NPAS3: variants seen among roughly 807,000 people sequenced by gnomAD.
NPAS3 encodes neuronal PAS domain-containing protein 3.
A neutral mutation model predicts 73.1 loss-of-function variants in NPAS3; 14 were observed. The ratio of observed to expected loss-of-function variants is 0.19; its 90% confidence interval spans 0.13 to 0.30. The LOEUF is 0.30. NPAS3 is among the 10% of genes least tolerant of loss of function. The probability of loss-of-function intolerance (pLI) is 1.00; values close to 1 mark genes in which losing one functional copy is unlikely to be tolerated. For missense variants in NPAS3, 1,096 were observed against 1,250.0 expected, an observed-to-expected ratio of 0.88 and a Z score of 1.86; for synonymous variants, 620 against 541.5, an observed-to-expected ratio of 1.14 and a Z score of -2.01.
At chr14:33,628,109 A>G (rs913453099) in intron 5 of NPAS3, among the ~76,000 whole-genome samples, 21 of 152,222 alleles carry the variant, frequency 1.4e-4, no homozygotes, top group Non-Finnish European at 1.9e-4. Context: ...AGCTAGTGGA[A>G]AAAATGGTTT....
chr14:33,080,247 A>G (rs940892048), intron 2 of NPAS3, among the ~76,000 whole-genome samples: 2 of 151,986 alleles, frequency 1.3e-5, no homozygotes, highest in African/African-American at 4.8e-5. Flanking sequence ...AGCTGGGACT[A>G]CAGGCGCCCG....
chr14:33,210,816 T>C (rs947067823), intron 2 of NPAS3, among the ~76,000 whole-genome samples: 4 of 152,194 alleles, frequency 2.6e-5, no homozygotes, highest in African/African-American at 9.7e-5. Flanking sequence ...TATAAATCTT[T>C]AAGCATCCAC....
chr14:33,093,791 A>C (rs2042311788), intron 2 of NPAS3, among the ~76,000 whole-genome samples: 2 of 152,002 alleles, frequency 1.3e-5, no homozygotes, highest in South Asian at 4.1e-4. Context: ...ATGCAGCTAC[A>C]AAAAAGGATG....
chr14:33,319,911 G>A (rs951716882), intron 3 of NPAS3, among the ~76,000 whole-genome samples: 13 of 152,142 alleles, frequency 8.5e-5, no homozygotes, highest in Non-Finnish European at 1.2e-4. Context: ...TTCATGGCAC[G>A]TGGTAGGTAT....
intron 3 of NPAS3, among the ~76,000 whole-genome samples, chr14:33,246,841 A>C (rs1023674410): frequency 3.0e-4 from 15 of 49,984 alleles, no homozygotes; most frequent in Non-Finnish European, 5.6e-4. Flanking sequence ...TAAAAATACA[A>C]AAAAAAAAAA....
intron 5 of NPAS3, 144 bp from the exon 6 acceptor site, chr14:33,676,067 T>C: frequency 1.4e-6 from 1 of 731,946 alleles, no homozygotes; most frequent in Non-Finnish European, 2.2e-6. Context: ...TCTTAAGTAT[T>C]TGAAGATGAA....
chr14:33,189,675 G>C, intron 2 of NPAS3, among the ~76,000 whole-genome samples: 1 of 152,236 alleles, frequency 6.6e-6, no homozygotes, highest in East Asian at 1.9e-4. Context: ...AGTATAGCAG[G>C]ATTCTGTCAT....
chr14:33,771,444 A>G (rs1411361639), intron 7 of NPAS3, among the ~76,000 whole-genome samples: 2 of 152,154 alleles, frequency 1.3e-5, no homozygotes, highest in Admixed American at 6.5e-5. Flanking sequence ...CTTCTCAAAG[A>G]TTTTTCAAAT....
intron 1 of NPAS3, among the ~76,000 whole-genome samples, chr14:32,960,721 G>A (rs1299752455): frequency 6.6e-6 from 1 of 152,092 alleles, no homozygotes; most frequent in Non-Finnish European, 1.5e-5. Context: ...TTTATTCATA[G>A]TGCATATATA....
chr14:33,801,062 A>G, exon 12 of NPAS3: 1 of 1,594,940 alleles, frequency 6.3e-7, no homozygotes, highest in Non-Finnish European at 8.5e-7. Context: ...CCCCGTCTAC[A>G]GCAACGGCAT....
At chr14:32,948,524 C>T (rs528302584) in intron 1 of NPAS3, among the ~76,000 whole-genome samples, 15 of 152,152 alleles carry the variant, frequency 9.9e-5, no homozygotes, top group African/African-American at 3.6e-4. Context: ...TCTCTCTTTG[C>T]TTCTCTCTTT....
At chr14:32,954,470 T>G (rs1320340405) in intron 1 of NPAS3, among the ~76,000 whole-genome samples, 4 of 152,190 alleles carry the variant, frequency 2.6e-5, no homozygotes, top group Admixed American at 6.5e-5. Flanking sequence ...AGTAAAGTTT[T>G]GAAATTGGAT....
At chr14:33,563,545 G>A (rs74633497) in intron 5 of NPAS3, among the ~76,000 whole-genome samples, 1 of 39,136 alleles carries the variant, frequency 2.6e-5, no homozygotes, top group African/African-American at 9.3e-5. Context: ...CACAGAGAGA[G>A]AGAGAGAGAG....
intron 4 of NPAS3, among the ~76,000 whole-genome samples, chr14:33,422,743 TATCTA>T (rs1459600587): frequency 1.8e-4 from 27 of 152,098 alleles, no homozygotes; most frequent in Admixed American, 3.3e-4. Context: ...TTTCTACTGT[TATCTA>T]AGCAATTATA....
chr14:33,090,892 G>A (rs940617608), intron 2 of NPAS3, among the ~76,000 whole-genome samples: 10 of 152,174 alleles, frequency 6.6e-5, no homozygotes, highest in Non-Finnish European at 1.5e-4. Flanking sequence ...GCTCCTGAAT[G>A]ACTACTGGGT....
At chr14:33,710,671 G>A (rs1033994524) in intron 6 of NPAS3, among the ~76,000 whole-genome samples, 2 of 152,122 alleles carry the variant, frequency 1.3e-5, no homozygotes, top group Non-Finnish European at 2.9e-5. Flanking sequence ...AAAAAGGAGT[G>A]CCCCAAGTGA....
chr14:33,625,212 C>G (rs902146848), intron 5 of NPAS3, among the ~76,000 whole-genome samples: 1 of 152,184 alleles, frequency 6.6e-6, no homozygotes, highest in South Asian at 2.1e-4. Context: ...ACCTTGTTGT[C>G]TTGACTAATT....
At chr14:33,664,412 A>C (rs1417522782) in intron 5 of NPAS3, among the ~76,000 whole-genome samples, 1 of 152,218 alleles carries the variant, frequency 6.6e-6, no homozygotes, top group Non-Finnish European at 1.5e-5. Flanking sequence ...AAACCATAAA[A>C]ACCCTAGAAG....
chr14:33,504,385 C>T (rs1490091770), intron 4 of NPAS3, among the ~76,000 whole-genome samples: 4 of 151,868 alleles, frequency 2.6e-5, no homozygotes, highest in Non-Finnish European at 5.9e-5. Flanking sequence ...ACAAAACTAC[C>T]AACAATAAAA....
Sources: gnomAD v4.1 joint callset for allele counts (sites outside exome capture counted in the v4.1 genomes callset) on GRCh38, gnomAD v4.1.1 for gene constraint, MANE v1.5 for transcripts, NCBI Gene and HGNC (gene_info 2026-07-23, HGNC 2026-07-21) for gene names.